Variants in JMJD1C observed in about 807,000 individuals in gnomAD.
The protein encoded by JMJD1C is jumonji domain-containing protein 1C.
Under a neutral mutation model 245.3 loss-of-function variants are expected in JMJD1C, and 31 were observed. That is an observed-to-expected ratio of 0.13 (90% confidence interval 0.09 to 0.17). The LOEUF (loss-of-function observed/expected upper bound fraction) is 0.17, where lower values mean the gene tolerates loss of function less well. Ranked by LOEUF, JMJD1C falls within the 10% of genes least tolerant of loss-of-function variation. The pLI is 1.00. For missense variants in JMJD1C, 2,691 were observed against 3,000.2 expected (o/e 0.90, Z 2.41); for synonymous variants, 1,057 against 1,017.4 (o/e 1.04, Z -0.74).
intron 3 of JMJD1C, among the ~76,000 whole-genome samples, chr10:63,221,846 T>A (rs949824491): frequency 2.6e-5 from 4 of 152,166 alleles, no homozygotes; most frequent in African/African-American, 9.7e-5. Flanking sequence ...CTCAGCCTCC[T>A]GAGTAGCTGG....
chr10:63,168,862 A>G (rs1423846001), intron 24 of JMJD1C, among the ~76,000 whole-genome samples: 1 of 152,208 alleles, frequency 6.6e-6, no homozygotes, highest in Admixed American at 6.5e-5. Context: ...CAATTTTGCC[A>G]AAGTGGACTT....
In JMJD1C at chr10:63,269,065, G is replaced by C. The variant is rs367600404; in HGVS notation, c.334-4301C>G. Reference sequence around the variant, plus strand: ...CTACTGCATCCTCCGATCTGGGTCAGGATAATTTCTCTCGAGGTCGCTTAC... The same window carrying C: ...CTACTGCATCCTCCGATCTGGGTCACGATAATTTCTCTCGAGGTCGCTTAC... On this transcript the variant is annotated intron_variant, in intron 2 of 25. Coordinates refer to ENST00000399262, the MANE Select transcript of JMJD1C (RefSeq NM_032776.3). The C allele has an allele frequency of 2.2e-5, 22 of 985,320 alleles. No individual in the cohort carries two copies. In the East Asian group the frequency reaches 7.9e-4, roughly 35 times the overall value. The allele number at this position is 985,320 out of a possible 1,614,324, so 61.0% of individuals were successfully genotyped here.
At chr10:63,245,935 G>C (rs958950099) in intron 3 of JMJD1C, among the ~76,000 whole-genome samples, 1 of 152,030 alleles carries the variant, frequency 6.6e-6, no homozygotes, top group Admixed American at 6.6e-5. Context: ...ATTTGGGTGG[G>C]GACACATGCA....
rs1347576072 is a variant in JMJD1C at position 63,167,418 on chromosome 10, C to T, written c.*627G>A. ...GCTTTAAAAGTTCACATAAATTTTA[C>T]CAAAATGAGACAATTTTAAATAAAT... is the stretch of plus-strand genomic sequence containing the variant. On this transcript the variant is annotated 3_prime_UTR_variant, in exon 26 of 26. Coordinates refer to ENST00000399262, the MANE Select transcript of JMJD1C (RefSeq NM_032776.3). 2 of 152,412 alleles carry T rather than the reference C, an allele frequency of 1.3e-5. No homozygotes were observed. Among genetic ancestry groups the T allele is most frequent in the African/African-American group, 4.8e-5 (2 of 41,358 alleles). The allele number at this position is 152,412 out of a possible 1,614,324, so 9.4% of individuals were successfully genotyped here.
chr10:63,301,614 A>G, intron 2 of JMJD1C: 1 of 301,844 alleles, frequency 3.3e-6, no homozygotes, highest in Non-Finnish European at 6.7e-6. Context: ...AACAATGAGA[A>G]CACAAGGACA....
At chr10:63,297,077 G>A (rs536297249) in intron 2 of JMJD1C, among the ~76,000 whole-genome samples, 3 of 152,144 alleles carry the variant, frequency 2.0e-5, no homozygotes, top group Non-Finnish European at 4.4e-5. Flanking sequence ...ATCATACCCA[G>A]GATCCTGAAA....
chr10:63,261,707 C>A (rs1025916327), intron 3 of JMJD1C, among the ~76,000 whole-genome samples: 4 of 152,166 alleles, frequency 2.6e-5, no homozygotes, highest in Non-Finnish European at 5.9e-5. Flanking sequence ...TTGTATTAAT[C>A]CTGACTCATC....
chr10:63,208,995 ATT>A, intron 9 of JMJD1C, 66 bp downstream of exon 9: 1 of 1,350,362 alleles, frequency 7.4e-7, no homozygotes, highest in Non-Finnish European at 1.0e-6. Flanking sequence ...AAAATTAACT[ATT>A]TAAAAGGCAA....
intron 2 of JMJD1C, among the ~76,000 whole-genome samples, chr10:63,359,352 C>T (rs1170968980): frequency 3.3e-5 from 5 of 152,164 alleles, no homozygotes; most frequent in Admixed American, 1.3e-4. Context: ...TTGTTCTGGA[C>T]GTTTTACAGA....
intron 1 of JMJD1C, among the ~76,000 whole-genome samples, chr10:63,424,123 G>A (rs1218610107): frequency 9.9e-5 from 15 of 151,974 alleles, no homozygotes; most frequent in Admixed American, 9.8e-4. Flanking sequence ...GCATTATCGT[G>A]GTTCACTGTA....
chr10:63,412,202 A>G (rs2132670289), intron 1 of JMJD1C, among the ~76,000 whole-genome samples: 1 of 152,312 alleles, frequency 6.6e-6, no homozygotes, highest in Middle Eastern at 3.4e-3. Flanking sequence ...GTAATAGCCT[A>G]CTGTTGACCG....
chr10:63,475,547 G>A (rs944221982), intron 1 of JMJD1C, among the ~76,000 whole-genome samples: 4 of 152,156 alleles, frequency 2.6e-5, no homozygotes, highest in Non-Finnish European at 5.9e-5. Flanking sequence ...AGACAAGAAA[G>A]TAACCTAAGA....
At position 63,422,327 on chromosome 10, in the gene JMJD1C, G is replaced by A. The variant is rs150758295; in HGVS notation, c.169-41845C>T. On this transcript the variant is annotated intron_variant, in intron 1 of 25. Transcript: ENST00000399262. ...CTTGGGAGGCTGAGGCAGGAGAATC[G>A]CTTGAACCCAGGAGGCGGGGTTGCA... Among the ~76,000 whole-genome samples the A allele has an allele frequency of 1.1e-3, 163 of 152,204 alleles. 2 individuals are homozygous for A. Among genetic ancestry groups the A allele is most frequent in the Non-Finnish European group, 1.7e-3 (118 of 68,022 alleles).
chr10:63,438,630 C>T (rs1211294017), intron 1 of JMJD1C, among the ~76,000 whole-genome samples: 1 of 152,198 alleles, frequency 6.6e-6, no homozygotes, highest in African/African-American at 2.4e-5. Context: ...TCTTTTCCTT[C>T]TCCTCTCCCA....
chr10:63,295,586 T>C (rs1347059046), intron 2 of JMJD1C, among the ~76,000 whole-genome samples: 1 of 152,166 alleles, frequency 6.6e-6, no homozygotes, highest in Non-Finnish European at 1.5e-5. Context: ...AGATTTTGAA[T>C]TGTTTTATGA....
chr10:63,228,210 A>G (rs574394560), intron 3 of JMJD1C, among the ~76,000 whole-genome samples: 1 of 151,944 alleles, frequency 6.6e-6, no homozygotes, highest in African/African-American at 2.4e-5. Flanking sequence ...AAAAGTAGCT[A>G]AAAAAATACC....
intron 1 of JMJD1C, among the ~76,000 whole-genome samples, chr10:63,386,075 AACATACACACATAC>A (rs966822119): frequency 2.0e-5 from 3 of 151,726 alleles, no homozygotes; most frequent in Non-Finnish European, 2.9e-5. Context: ...AAAAATGTGA[AACATACACACATAC>A]ACAGACACAC....
At chr10:63,441,133 G>GTA (rs1255367297) in intron 1 of JMJD1C, among the ~76,000 whole-genome samples, 2 of 152,190 alleles carry the variant, frequency 1.3e-5, no homozygotes, top group Admixed American at 1.3e-4. Context: ...GTGTAAAACA[G>GTA]TATTGCATAT....
At chr10:63,347,051 A>T (rs1943879364) in intron 2 of JMJD1C, among the ~76,000 whole-genome samples, 1 of 149,360 alleles carries the variant, frequency 6.7e-6, no homozygotes, top group African/African-American at 2.5e-5. Context: ...TCTGCAGTAT[A>T]GAACAAATGA....
Sources: gnomAD v4.1 joint callset for allele counts (sites outside exome capture counted in the v4.1 genomes callset) on GRCh38, gnomAD v4.1.1 for gene constraint, MANE v1.5 for transcripts, NCBI Gene and HGNC (gene_info 2026-07-23, HGNC 2026-07-21) for gene names.